The following TAFA4 variants were observed in gnomAD, a reference collection of about 807,000 sequenced individuals.
TAFA4 encodes the protein chemokine-like protein TAFA-4.
In TAFA4, 20 loss-of-function variants were observed where a neutral mutation model predicts 21.1. That is an observed-to-expected ratio of 0.95 (90% CI 0.67 to 1.38). The LOEUF (loss-of-function observed/expected upper bound fraction) is 1.38, where lower values mean the gene tolerates loss of function less well. TAFA4 is among the 40% of genes most tolerant of loss of function. The pLI is 0.00. For synonymous variants in TAFA4, 71 were observed against 67.4 expected, an observed-to-expected ratio of 1.05 and a Z score of -0.26; for missense variants, 211 against 180.9, an observed-to-expected ratio of 1.17 and a Z score of -0.95.
At chr3:68,814,195 C>G (rs6781413) in intron 3 of TAFA4, among the ~76,000 whole-genome samples, 99,988 of 151,970 alleles carry the variant, frequency 0.66, 33,404 homozygotes, top group East Asian at 0.98. Flanking sequence ...CTATGACAAA[C>G]CCACAGCCAA....
At chr3:68,929,053 G>A (rs1400465334) in intron 1 of TAFA4, among the ~76,000 whole-genome samples, 1 of 151,854 alleles carries the variant, frequency 6.6e-6, no homozygotes, top group African/African-American at 2.4e-5. Flanking sequence ...TGTACAACAG[G>A]AAGAATTTCT....
At chr3:68,754,202 A>G (rs1702615604) in intron 3 of TAFA4, among the ~76,000 whole-genome samples, 1 of 152,242 alleles carries the variant, frequency 6.6e-6, no homozygotes. Context: ...AGAAAATCTG[A>G]CATGATACAA....
intron 3 of TAFA4, among the ~76,000 whole-genome samples, chr3:68,828,253 A>T (rs933119390): frequency 1.3e-5 from 2 of 152,194 alleles, no homozygotes; most frequent in African/African-American, 2.4e-5. Flanking sequence ...TTTTGGTACC[A>T]GTACCATGCT....
chr3:68,811,518 A>C (rs1431141899), intron 3 of TAFA4, among the ~76,000 whole-genome samples: 2 of 152,086 alleles, frequency 1.3e-5, no homozygotes, highest in Non-Finnish European at 2.9e-5. Flanking sequence ...CGAGAACTAC[A>C]TGATGAATGC....
chr3:68,733,556 A>G (rs1702189678), intron 5 of TAFA4, among the ~76,000 whole-genome samples: 1 of 152,130 alleles, frequency 6.6e-6, no homozygotes, highest in Admixed American at 6.6e-5. Context: ...GTTATTTTTT[A>G]TGCAGTTAAC....
Position 68,739,115 on chromosome 3 carries a change from C to T in TAFA4, c.371G>A (p.Gly124Asp). ...EDCKVLPDYS[G>D]WSCSSGNKVK... ...TTTATTGCCACTGCTACAGGACCAA[C>T]CTGAGTAATCTGGCAGCACTTTACA... Residue 124 changes from glycine (G) to aspartate (D), a missense_variant, in exon 5 of 6, where the codon GGT (glycine) becomes GAT (aspartate). Transcript: ENST00000295569. 6.2e-7 allele frequency: 1 copy of T among 1,613,968 alleles called. No homozygotes were observed. The highest frequency in any genetic ancestry group is 8.5e-7 in the Non-Finnish European group (1 of 1,179,886).
At chr3:68,763,447 T>A (rs1575599447) in intron 3 of TAFA4, among the ~76,000 whole-genome samples, 1 of 152,112 alleles carries the variant, frequency 6.6e-6, no homozygotes. Flanking sequence ...CAAGGAAAAT[T>A]TATCATCTGC....
intron 3 of TAFA4, among the ~76,000 whole-genome samples, chr3:68,825,609 A>T (rs567786169): frequency 6.6e-6 from 1 of 152,036 alleles, no homozygotes; most frequent in East Asian, 1.9e-4. Flanking sequence ...ATTTCAGGAT[A>T]GGGAGAATAA....
chr3:68,824,877 G>A (rs908403569), intron 3 of TAFA4, among the ~76,000 whole-genome samples: 1 of 152,100 alleles, frequency 6.6e-6, no homozygotes, highest in Non-Finnish European at 1.5e-5. Context: ...GGCATTTTAC[G>A]CGTACGGGAT....
chr3:68,863,111 G>A (rs1042656179), intron 3 of TAFA4, among the ~76,000 whole-genome samples: 13 of 151,298 alleles, frequency 8.6e-5, no homozygotes, highest in Non-Finnish European at 1.9e-4. Context: ...GGTGGTACGT[G>A]CCCATAGTCC....
chr3:68,920,133 T>C (rs867231678), intron 1 of TAFA4, among the ~76,000 whole-genome samples: 10 of 152,130 alleles, frequency 6.6e-5, no homozygotes, highest in Admixed American at 2.6e-4. Context: ...CTAAATAAAA[T>C]ACAGTACATT....
Position 68,880,735 on chromosome 3 carries a change from T to C in TAFA4, c.125A>G (p.His42Arg), listed in dbSNP as rs200368314. ...MSASSQHLRGHAGHHQIKQGT... is the reference protein window; with the variant it reads ...MSASSQHLRGRAGHHQIKQGT... ...AATGAGCTTAAAGGGCTTACCTGCA[T>C]GTCCCCGGAGGTGCTGGCTTGAGGC... The change falls in exon 3 of 6, where the codon CAT (histidine) becomes CGT (arginine). Residue 42 changes from histidine (H) to arginine (R), a missense_variant. Transcript: ENST00000295569. The C allele has an allele frequency of 1.2e-6, 2 of 1,613,994 alleles. No homozygotes were observed. Among genetic ancestry groups the C allele is most frequent in the South Asian group, 1.1e-5 (1 of 91,082 alleles).
At chr3:68,739,542 G>C (rs180903560) in intron 4 of TAFA4, among the ~76,000 whole-genome samples, 1 of 152,212 alleles carries the variant, frequency 6.6e-6, no homozygotes, top group East Asian at 1.9e-4. Flanking sequence ...CCCTGGAAAA[G>C]AGACTGTTAT....
chr3:68,737,667 T>TTAC (rs1416032975), intron 5 of TAFA4, among the ~76,000 whole-genome samples: 9 of 152,300 alleles, frequency 5.9e-5, no homozygotes, highest in Admixed American at 4.6e-4. Flanking sequence ...TTAATATATT[T>TTAC]TACAAAATCT....
chr3:68,859,939 A>T (rs1559545834), intron 3 of TAFA4, among the ~76,000 whole-genome samples: 1 of 152,078 alleles, frequency 6.6e-6, no homozygotes. Context: ...AGATAGTTCA[A>T]CTCTCAGTAA....
chr3:68,903,491 A>G (rs1205821108), intron 1 of TAFA4, among the ~76,000 whole-genome samples: 1 of 152,230 alleles, frequency 6.6e-6, no homozygotes, highest in Non-Finnish European at 1.5e-5. Flanking sequence ...CAACAACCTC[A>G]TAATTATATG....
At chr3:68,773,098 G>C (rs935528099) in intron 3 of TAFA4, among the ~76,000 whole-genome samples, 1 of 152,120 alleles carries the variant, frequency 6.6e-6, no homozygotes, top group African/African-American at 2.4e-5. Flanking sequence ...AATATTATAA[G>C]CAGCCGGAAT....
At chr3:68,814,353 A>G (rs1340938716) in intron 3 of TAFA4, among the ~76,000 whole-genome samples, 1 of 152,160 alleles carries the variant, frequency 6.6e-6, no homozygotes, top group African/African-American at 2.4e-5. Flanking sequence ...AGGGTATTCA[A>G]TTAGGAAAAG....
In TAFA4 at chr3:68,732,522, A is replaced by G. The variant is rs894186540; in HGVS notation, c.*620T>C. On this transcript the variant is annotated 3_prime_UTR_variant, in exon 6 of 6. Coordinates refer to ENST00000295569, the MANE Select transcript of TAFA4 (RefSeq NM_182522.5). ...CTCTCATTTTATCTCTGCTAACTGG[A>G]AAATGGAAAGCAAAAAAAAAATAGA... The G allele has an allele frequency of 6.6e-6, 1 of 152,564 alleles. No individual in the cohort carries two copies. Among genetic ancestry groups the G allele is most frequent in the Non-Finnish European group, 1.5e-5 (1 of 68,024 alleles). 9.5% of individuals were successfully genotyped at this position (152,564 alleles called of 1,614,324 possible). A position where few individuals can be genotyped will look rare whatever the true frequency, so the allele number is the denominator to read the frequency against.
Sources: allele counts gnomAD v4.1 joint callset (sites outside exome capture counted in the v4.1 genomes callset), GRCh38; gene constraint gnomAD v4.1.1; transcripts MANE v1.5; gene names NCBI Gene and HGNC (gene_info 2026-07-23, HGNC 2026-07-21).